PTPRR: variants seen among roughly 807,000 people sequenced by gnomAD.
PTPRR encodes the protein receptor-type tyrosine-protein phosphatase R.
PTPRR carries 38 observed loss-of-function variants against 77.2 expected under a neutral mutation model. That is an observed-to-expected ratio of 0.49 (90% CI 0.38 to 0.65). PTPRR has a LOEUF of 0.65. Among genes scored for constraint, PTPRR ranks in the 30% least tolerant of loss-of-function variants. PTPRR has a pLI of 0.00. For missense variants in PTPRR, 744 were observed against 799.2 expected (o/e 0.93, Z 0.83); for synonymous variants, 299 against 283.1 (o/e 1.06, Z -0.57).
At chr12:70,839,828 A>C (rs1461013416) in intron 2 of PTPRR, among the ~76,000 whole-genome samples, 1 of 152,090 alleles carries the variant, frequency 6.6e-6, no homozygotes. Flanking sequence ...CTCTTATTTG[A>C]GTTTAAAATT....
At chr12:70,733,470 C>CAAAAAAAAA (rs1193950231) in intron 6 of PTPRR, among the ~76,000 whole-genome samples, 3 of 74,078 alleles carry the variant, frequency 4.0e-5, no homozygotes, top group African/African-American at 1.7e-4. Flanking sequence ...AAAATTATGG[C>CAAAAAAAAA]AAAAAAAAAA....
intron 6 of PTPRR, among the ~76,000 whole-genome samples, chr12:70,729,089 AC>A (rs1315970506): frequency 2.0e-5 from 3 of 152,102 alleles, no homozygotes; most frequent in African/African-American, 7.2e-5. Flanking sequence ...GACCAGGGAG[AC>A]TGAGATTACA....
At chr12:70,900,994 T>C (rs1479770743) in intron 1 of PTPRR, among the ~76,000 whole-genome samples, 1 of 151,690 alleles carries the variant, frequency 6.6e-6, no homozygotes, top group Admixed American at 6.6e-5. Flanking sequence ...TTTGGATTTT[T>C]TTGGATTTCA....
At chr12:70,702,511 T>C (rs1462726630) in intron 6 of PTPRR, among the ~76,000 whole-genome samples, 1 of 152,152 alleles carries the variant, frequency 6.6e-6, no homozygotes, top group African/African-American at 2.4e-5. Flanking sequence ...TAATACTTAC[T>C]CTGGAATGCG....
chr12:70,749,232 T>C (rs994093944), intron 5 of PTPRR, among the ~76,000 whole-genome samples: 1 of 152,188 alleles, frequency 6.6e-6, no homozygotes, highest in South Asian at 2.1e-4. Context: ...TGGTAAAGAA[T>C]GCTGACTTTC....
At chr12:70,779,877 G>T (rs1398090123) in intron 2 of PTPRR, among the ~76,000 whole-genome samples, 1 of 152,090 alleles carries the variant, frequency 6.6e-6, no homozygotes, top group Non-Finnish European at 1.5e-5. Context: ...AAAACACACA[G>T]AATTGATTTA....
At chr12:70,809,844 C>T (rs181101254) in intron 2 of PTPRR, among the ~76,000 whole-genome samples, 24 of 152,196 alleles carry the variant, frequency 1.6e-4, no homozygotes, top group Non-Finnish European at 2.9e-4. Context: ...TATGTAAAGT[C>T]GTACTTTTAA....
At chr12:70,820,944 CA>C (rs1288118424) in intron 2 of PTPRR, among the ~76,000 whole-genome samples, 8 of 152,186 alleles carry the variant, frequency 5.3e-5, no homozygotes, top group African/African-American at 1.7e-4. Flanking sequence ...CAGAGTTAAG[CA>C]CAATTTCTCT....
At chr12:70,898,546 A>AAT (rs1416848262) in intron 1 of PTPRR, among the ~76,000 whole-genome samples, 3 of 148,550 alleles carry the variant, frequency 2.0e-5, no homozygotes, top group Admixed American at 6.8e-5. Flanking sequence ...TTAACCTATA[A>AAT]ATATATATAT....
At chr12:70,679,533 TTAATC>T (rs1190495490) in intron 10 of PTPRR, among the ~76,000 whole-genome samples, 2 of 152,208 alleles carry the variant, frequency 1.3e-5, no homozygotes, top group Admixed American at 6.5e-5. Flanking sequence ...ATTTCTTTCT[TTAATC>T]TAATAAATAA....
intron 4 of PTPRR, among the ~76,000 whole-genome samples, chr12:70,761,044 A>G (rs1890678564): frequency 6.6e-6 from 1 of 152,202 alleles, no homozygotes; most frequent in Non-Finnish European, 1.5e-5. Context: ...AGTTATGGGA[A>G]AAGGCGAATA....
At chr12:70,852,326 T>C (rs898862288) in intron 2 of PTPRR, among the ~76,000 whole-genome samples, 8 of 152,110 alleles carry the variant, frequency 5.3e-5, no homozygotes, top group African/African-American at 1.9e-4. Flanking sequence ...TTGCATGCTA[T>C]ATGAAAGAAA....
intron 10 of PTPRR, chr12:70,672,293 G>A (rs560333141): frequency 4.5e-5 from 71 of 1,590,448 alleles, no homozygotes; most frequent in African/African-American, 2.0e-4. Context: ...GAATGTGCCC[G>A]TGCCCACGGA....
chr12:70,648,156 C>A (rs1886267096), intron 13 of PTPRR, among the ~76,000 whole-genome samples: 1 of 152,108 alleles, frequency 6.6e-6, no homozygotes, highest in Non-Finnish European at 1.5e-5. Context: ...GGTCATGTGG[C>A]CTTGGAGATG....
At chr12:70,807,447 C>T (rs139133293) in intron 2 of PTPRR, among the ~76,000 whole-genome samples, 58 of 152,218 alleles carry the variant, frequency 3.8e-4, no homozygotes, top group Admixed American at 5.2e-4. Context: ...TTCCTCTTCA[C>T]GAAATTTTGT....
chr12:70,730,728 G>A (rs1248844958), intron 6 of PTPRR, among the ~76,000 whole-genome samples: 2 of 151,934 alleles, frequency 1.3e-5, no homozygotes. Flanking sequence ...GGAGGCTGGG[G>A]CGAGTGGACT....
intron 2 of PTPRR, among the ~76,000 whole-genome samples, chr12:70,842,845 C>A (rs937613887): frequency 1.3e-5 from 2 of 152,108 alleles, no homozygotes; most frequent in Non-Finnish European, 2.9e-5. Context: ...ATTTTTTGGC[C>A]TACCACAGCA....
chr12:70,738,481 C>T (rs1340225986), intron 6 of PTPRR, among the ~76,000 whole-genome samples: 2 of 152,164 alleles, frequency 1.3e-5, no homozygotes, highest in African/African-American at 4.8e-5. Flanking sequence ...TCTCCTTGCA[C>T]AGTGTTTACT....
intron 2 of PTPRR, among the ~76,000 whole-genome samples, chr12:70,833,351 C>G (rs1892247611): frequency 6.6e-6 from 1 of 152,150 alleles, no homozygotes; most frequent in East Asian, 1.9e-4. Flanking sequence ...GGGGCAGGAA[C>G]AGGTAGGCTG....
Sources: allele counts gnomAD v4.1 joint callset (sites outside exome capture counted in the v4.1 genomes callset), GRCh38; gene constraint gnomAD v4.1.1; transcripts MANE v1.5; gene names NCBI Gene and HGNC (gene_info 2026-07-23, HGNC 2026-07-21).